BMP2K: variants seen among roughly 807,000 people sequenced by gnomAD.
BMP2K encodes BMP2 inducible kinase, also known as BMP-2-inducible protein kinase.
In BMP2K, 74 loss-of-function variants were observed where a neutral mutation model predicts 116.0. That is an observed-to-expected ratio of 0.64 (90% CI 0.53 to 0.77). BMP2K has a LOEUF of 0.77. BMP2K is among the 30% of genes least tolerant of loss of function. The pLI is 0.00. For synonymous variants in BMP2K, 486 were observed against 502.5 expected (o/e 0.97, Z 0.44); for missense variants, 1,365 against 1,403.6 (o/e 0.97, Z 0.44).
intron 1 of BMP2K, among the ~76,000 whole-genome samples, chr4:78,793,599 T>G: frequency 6.6e-6 from 1 of 152,086 alleles, no homozygotes; most frequent in East Asian, 1.9e-4. Context: ...GCCAAAAGAC[T>G]TTGAGAATCT....
Position 78,911,575 on chromosome 4 carries a change from C to T in BMP2K, c.3028C>T (p.Pro1010Ser), listed in dbSNP as rs1346499258. ...TPTSTKKTLK[P>S]TYRTPERARR... is the part of the protein sequence containing the mutation. ...AACTAGCACAAAGAAGACTTTGAAG[C>T]CTACCTATCGCACTCCAGAGAGGGC... The change falls in exon 16 of 16, where the codon CCT (proline) becomes TCT (serine). Residue 1010 changes from proline to serine, a missense_variant. Around this residue, in one of 3 missense-constraint regions of BMP2K, gnomAD observed 596 missense variants for 623.2 expected, o/e 0.96. Transcript: ENST00000502613. 1 of 1,613,990 alleles carries T rather than the reference C, an allele frequency of 6.2e-7. No homozygotes were observed. Among genetic ancestry groups the T allele is most frequent in the Non-Finnish European group, 8.5e-7 (1 of 1,179,884 alleles).
At chr4:78,872,070 T>G in intron 12 of BMP2K, 122 bp downstream of exon 12, 1 of 731,960 alleles carries the variant, frequency 1.4e-6, no homozygotes, top group Non-Finnish European at 2.2e-6. Context: ...GACATGTATT[T>G]TATCAAAGCC....
chr4:78,859,744 A>T, intron 8 of BMP2K, 57 bp downstream of exon 8: 1 of 1,215,968 alleles, frequency 8.2e-7, no homozygotes, highest in Non-Finnish European at 1.2e-6. Flanking sequence ...GTATGTGAAT[A>T]TATTTACTTT....
chr4:78,853,078 T>C (rs1272064391), intron 7 of BMP2K, among the ~76,000 whole-genome samples: 1 of 152,190 alleles, frequency 6.6e-6, no homozygotes, highest in African/African-American at 2.4e-5. Context: ...AATGTGAAGC[T>C]TTTGTCAATT....
chr4:78,915,046 A>G lies in BMP2K; in HGVS notation c.*3013A>G, dbSNP rs1734926453. ...AAGACACAAAAATTGCATGGTAAGT[A>G]TAATAGGTGGAGGAGGAAAGGTTGT... On this transcript the variant is annotated 3_prime_UTR_variant, in exon 16 of 16. Coordinates refer to ENST00000502613, the MANE Select transcript of BMP2K (RefSeq NM_198892.2). 1 of 152,056 alleles carries G rather than the reference A, an allele frequency of 6.6e-6. No individual in the cohort carries two copies. The highest frequency in any genetic ancestry group is 2.1e-4 in the South Asian group (1 of 4,832). 9.4% of individuals were successfully genotyped at this position (152,056 alleles called of 1,614,324 possible).
intron 1 of BMP2K, among the ~76,000 whole-genome samples, chr4:78,786,021 TCTCTTA>T (rs1339555122): frequency 1.3e-5 from 2 of 152,164 alleles, no homozygotes; most frequent in Non-Finnish European, 2.9e-5. Context: ...CCAGCCTTAA[TCTCTTA>T]CTCTTACTCC....
chr4:78,913,002 A>G lies in BMP2K; in HGVS notation c.*969A>G, dbSNP rs1348497090. ...GGTTGTATAAAAATTTTATTTTATG[A>G]AGAAAATATGTAGCGGAAACTGAAT... On this transcript the variant is annotated 3_prime_UTR_variant, in exon 16 of 16. Transcript: ENST00000502613. The G allele has an allele frequency of 6.6e-6, 1 of 152,190 alleles. No homozygotes were observed. Among genetic ancestry groups the G allele is most frequent in the Non-Finnish European group, 1.5e-5 (1 of 68,024 alleles). 9.4% of individuals were successfully genotyped at this position (152,190 alleles called of 1,614,324 possible). A position where few individuals can be genotyped will look rare whatever the true frequency, so the allele number is the denominator to read the frequency against.
chr4:78,865,264 G>A (rs1731986158), intron 9 of BMP2K, among the ~76,000 whole-genome samples: 1 of 152,130 alleles, frequency 6.6e-6, no homozygotes, highest in Non-Finnish European at 1.5e-5. Flanking sequence ...TTTCCTTTCA[G>A]TATCATTTCA....
intron 15 of BMP2K, among the ~76,000 whole-genome samples, chr4:78,897,407 T>G (rs911345077): frequency 1.5e-4 from 23 of 152,124 alleles, no homozygotes; most frequent in African/African-American, 4.8e-4. Flanking sequence ...AAGTGAAGAT[T>G]ATGTAGCAAT....
At chr4:78,818,128 T>C (rs1021966083) in intron 1 of BMP2K, among the ~76,000 whole-genome samples, 4 of 152,134 alleles carry the variant, frequency 2.6e-5, no homozygotes, top group African/African-American at 9.7e-5. Context: ...AAAAAAGATA[T>C]ATATATTTTT....
rs1223781169 is a variant in BMP2K, at chr4:78,910,646, A to G, written c.2099A>G (p.Asn700Ser). ...AAGAAAGCTGAACATTCATCTATAAATCAAGAAAATGGCACTGCAAACCCT... is the reference window on the plus strand; with the variant it reads ...AAGAAAGCTGAACATTCATCTATAAGTCAAGAAAATGGCACTGCAAACCCT... ...PEKKAEHSSI[N>S]QENGTANPIK... The change falls in exon 16 of 16, where the codon AAT becomes AGT. Residue 700 changes from asparagine to serine, a missense_variant. Transcript: ENST00000502613. 1 of 1,560,516 alleles carries G rather than the reference A, an allele frequency of 6.4e-7. No individual in the cohort carries two copies. The highest frequency in any genetic ancestry group is 8.6e-7 in the Non-Finnish European group (1 of 1,161,104).
At chr4:78,848,143 T>C (rs1298561184) in intron 6 of BMP2K, among the ~76,000 whole-genome samples, 2 of 151,586 alleles carry the variant, frequency 1.3e-5, no homozygotes, top group Non-Finnish European at 3.0e-5. Context: ...GAGACAGATA[T>C]TCTTTTGTAA....
chr4:78,781,429 T>G (rs1428585158), intron 1 of BMP2K, among the ~76,000 whole-genome samples: 1 of 151,992 alleles, frequency 6.6e-6, no homozygotes, highest in East Asian at 1.9e-4. Context: ...AACAGATTTT[T>G]TTTTTTTTTT....
intron 15 of BMP2K, among the ~76,000 whole-genome samples, chr4:78,888,333 G>A (rs533413243): frequency 1.3e-5 from 2 of 152,162 alleles, no homozygotes; most frequent in African/African-American, 4.8e-5. Context: ...CTGCATAAAT[G>A]TGTTCCCTTA....
In BMP2K at chr4:78,872,625, T is replaced by C; in HGVS notation, c.1620T>C (p.Tyr540=). 2 of 1,613,994 alleles carry C rather than the reference T, an allele frequency of 1.2e-6. No individual in the cohort carries two copies. The highest frequency in any genetic ancestry group is 8.5e-7 in the Non-Finnish European group (1 of 1,179,954). ...ASQYPTMMPQ[Y]QQAFFQQQML... ...ATTTCTTTTTTCAGATGCCGCAGTA[T>C]CAGCAGGCTTTCTTTCAACAGCAGA... is the stretch of plus-strand genomic sequence containing the variant. The change falls in exon 13 of 16, where the codon TAT becomes TAC. Residue 540 remains tyrosine (Y), a synonymous_variant. Transcript: ENST00000502613.
At chr4:78,851,865 TA>T (rs1310302044) in intron 7 of BMP2K, among the ~76,000 whole-genome samples, 1 of 152,016 alleles carries the variant, frequency 6.6e-6, no homozygotes, top group Non-Finnish European at 1.5e-5. Flanking sequence ...GAACTATTAT[TA>T]AAAAAAGATT....
chr4:78,895,339 T>A (rs1733646929), intron 15 of BMP2K, among the ~76,000 whole-genome samples: 1 of 152,236 alleles, frequency 6.6e-6, no homozygotes, highest in Admixed American at 6.5e-5. Context: ...AGGTACAGAT[T>A]TCTCTGCAAA....
chr4:78,872,858 A>G, intron 13 of BMP2K, 60 bp downstream of exon 13: 1 of 1,507,370 alleles, frequency 6.6e-7, no homozygotes, highest in South Asian at 1.2e-5. Context: ...TCATCGTTGA[A>G]TGGTCGGTCA....
At chr4:78,909,588 G>C (rs1324517192) in intron 15 of BMP2K, among the ~76,000 whole-genome samples, 1 of 152,028 alleles carries the variant, frequency 6.6e-6, no homozygotes, top group East Asian at 1.9e-4. Flanking sequence ...CCTTAAATAT[G>C]TCTTTATATA....
Sources: allele counts gnomAD v4.1 joint callset (sites outside exome capture counted in the v4.1 genomes callset), GRCh38; gene constraint gnomAD v4.1.1; regional missense constraint gnomAD v4.1.1; transcripts MANE v1.5; gene names NCBI Gene and HGNC (gene_info 2026-07-23, HGNC 2026-07-21).